The following TJP2 variants were observed in gnomAD, a reference collection of about 807,000 sequenced individuals.
TJP2 encodes Friedreich ataxia region gene X104 (tight junction protein ZO-2).
TJP2 carries 91 observed loss-of-function variants against 133.1 expected under a neutral mutation model. The observed-to-expected ratio is 0.68, with a 90% CI of 0.58 to 0.81. The LOEUF (loss-of-function observed/expected upper bound fraction) is 0.81. Among genes scored for constraint, TJP2 ranks in the 40% least tolerant of loss-of-function variants. The probability of loss-of-function intolerance (pLI) is 0.00; values close to 1 mark genes in which losing one functional copy is unlikely to be tolerated. For synonymous variants in TJP2, 592 were observed against 583.4 expected, an observed-to-expected ratio of 1.01 and a Z score of -0.21; for missense variants, 1,541 against 1,565.6, an observed-to-expected ratio of 0.98 and a Z score of 0.26.
chr9:69,185,154 C>T (rs753096119), intron 1 of TJP2, among the ~76,000 whole-genome samples: 4 of 151,990 alleles, frequency 2.6e-5, no homozygotes, highest in East Asian at 1.9e-4. Context: ...CTCTGCCTCC[C>T]GGATTCAAGC....
chr9:69,212,091 G>A lies in TJP2; in HGVS notation c.61-457G>A, dbSNP rs188602834. Among the ~76,000 whole-genome samples, 10 of 152,166 alleles carry A rather than the reference G, an allele frequency of 6.6e-5. No homozygotes were observed. In the East Asian group the frequency reaches 1.5e-3, roughly 23 times the overall value. On this transcript the variant is annotated intron_variant, in intron 1 of 22. Coordinates refer to ENST00000377245, the MANE Select transcript of TJP2 (RefSeq NM_004817.4). ...GATGGAGAAAAAGCCGAAAGATCCC[G>A]CAGATCACCCAATTGGGCATACCCT...
chr9:69,169,371 G>GC (rs1231624023), upstream of TJP2, among the ~76,000 whole-genome samples: 16 of 145,986 alleles, frequency 1.1e-4, no homozygotes, highest in Admixed American at 3.4e-4. Flanking sequence ...TTTTTTTTTG[G>GC]GGGGGGGATG....
At chr9:69,151,501 G>T in intron 1 of TJP2, 5 of 584,752 alleles carry the variant, frequency 8.6e-6, no homozygotes, top group African/African-American at 2.0e-5. Context: ...AAAAAGGATT[G>T]TGGTGACAGT....
chr9:69,183,726 CTTATT>C (rs1825667368), intron 1 of TJP2, among the ~76,000 whole-genome samples: 1 of 152,098 alleles, frequency 6.6e-6, no homozygotes, highest in African/African-American at 2.4e-5. Context: ...TTTTAAAAAA[CTTATT>C]TTAGATTAAA....
At chr9:69,197,299 G>A (rs1020408789) in intron 1 of TJP2, among the ~76,000 whole-genome samples, 1 of 152,132 alleles carries the variant, frequency 6.6e-6, no homozygotes, top group Non-Finnish European at 1.5e-5. Flanking sequence ...TGTAGCATGT[G>A]TAGATACTTT....
At chr9:69,210,728 A>G (rs572346049) in intron 1 of TJP2, among the ~76,000 whole-genome samples, 1 of 140,022 alleles carries the variant, frequency 7.1e-6, no homozygotes, top group Admixed American at 7.4e-5. Flanking sequence ...GGCCTTTTTC[A>G]GGTATTTTGA....
intron 2 of TJP2, among the ~76,000 whole-genome samples, chr9:69,159,081 G>T (rs1321678978): frequency 6.6e-6 from 1 of 151,808 alleles, no homozygotes; most frequent in African/African-American, 2.4e-5. Flanking sequence ...GAGGTGGGCA[G>T]ATTGCTTGAG....
At chr9:69,158,965 C>G (rs2132841148) in intron 2 of TJP2, among the ~76,000 whole-genome samples, 1 of 151,058 alleles carries the variant, frequency 6.6e-6, no homozygotes, top group Middle Eastern at 3.4e-3. Flanking sequence ...AGGCAATCCC[C>G]TTGGGCAGGA....
In TJP2 at chr9:69,255,159, C is replaced by A. The variant is rs1043621869; in HGVS notation, c.*785C>A. ...CTATTTCCAAAAGCACATGTATTGA[C>A]AACAGTTTTATAATTTAATAAAAAG... On this transcript the variant is annotated 3_prime_UTR_variant, in exon 23 of 23. Transcript: ENST00000377245. 4 of 152,302 alleles carry A rather than the reference C, an allele frequency of 2.6e-5. No individual in the cohort carries two copies. Among genetic ancestry groups the A allele is most frequent in the African/African-American group, 9.6e-5 (4 of 41,456 alleles). 9.4% of individuals were successfully genotyped at this position (152,302 alleles called of 1,614,324 possible). A position where few individuals can be genotyped will look rare whatever the true frequency, so the allele number is the denominator to read the frequency against.
chr9:69,241,144 A>G (rs2133418515), intron 17 of TJP2, among the ~76,000 whole-genome samples: 1 of 152,330 alleles, frequency 6.6e-6, no homozygotes, highest in Non-Finnish European at 1.5e-5. Context: ...ACCTAATAGA[A>G]TATATTTTTA....
intron 1 of TJP2, among the ~76,000 whole-genome samples, chr9:69,207,458 G>A (rs1166920026): frequency 6.6e-6 from 1 of 152,144 alleles, no homozygotes; most frequent in African/African-American, 2.4e-5. Context: ...CTGCCCTTGA[G>A]AGATACTGGG....
intron 1 of TJP2, among the ~76,000 whole-genome samples, chr9:69,183,813 C>A (rs754044040): frequency 6.6e-6 from 1 of 152,168 alleles, no homozygotes; most frequent in East Asian, 1.9e-4. Flanking sequence ...CAGCTCATTG[C>A]GACCTGTGCC....
At chr9:69,218,823 A>C (rs1448688774) in intron 4 of TJP2, among the ~76,000 whole-genome samples, 1 of 152,190 alleles carries the variant, frequency 6.6e-6, no homozygotes, top group South Asian at 2.1e-4. Context: ...GCTGGATGCC[A>C]TTAGGCCCTG....
chr9:69,248,283 C>T (rs768278655), intron 19 of TJP2, 59 bp downstream of exon 19: 20 of 1,533,294 alleles, frequency 1.3e-5, no homozygotes, highest in South Asian at 7.4e-5. Context: ...CTTGCACTCT[C>T]GTGGACAGCT....
intron 12 of TJP2, 92 bp from the exon 13 acceptor site, chr9:69,235,936 G>C: frequency 8.4e-7 from 1 of 1,196,970 alleles, no homozygotes; most frequent in South Asian, 1.3e-5. Flanking sequence ...GGAAGGTAAA[G>C]GGGAGATCAG....
intron 7 of TJP2, 70 bp downstream of exon 7, chr9:69,226,245 A>C (rs982813902): frequency 2.4e-5 from 37 of 1,550,522 alleles, no homozygotes; most frequent in Admixed American, 8.9e-5. Context: ...TCTTCTATTT[A>C]GTGTAGCTAT....
intron 1 of TJP2, among the ~76,000 whole-genome samples, chr9:69,146,727 G>GC (rs869281144): frequency 0.026 from 3 of 114 alleles, no homozygotes; most frequent in African/African-American, 0.1. Context: ...GTCAATGTCT[G>GC]GGGCATTTTT....
At position 69,239,952 on chromosome 9, in the gene TJP2, C is replaced by A; in HGVS notation, c.2371C>A (p.Leu791Met). Reference sequence around the variant, plus strand: ...TTGTAAACAGGATAAGCATGCACTACTGGATGTGACTCCGAAAGCTGTGGA... The same window carrying A: ...TTGTAAACAGGATAAGCATGCACTAATGGATGTGACTCCGAAAGCTGTGGA... Reference protein sequence around the residue: ...QIIEQDKHALLDVTPKAVDLL... With the variant: ...QIIEQDKHALMDVTPKAVDLL... The change falls in exon 17 of 23, where the codon CTG (leucine) becomes ATG (methionine). Residue 791 changes from leucine to methionine, a missense_variant. Leu to Met is a conservative substitution (Grantham distance 15, BLOSUM62 2). Coordinates refer to ENST00000377245, the MANE Select transcript of TJP2 (RefSeq NM_004817.4). 6.2e-7 allele frequency: 1 copy of A among 1,614,190 alleles called. No homozygotes were observed. Among genetic ancestry groups the A allele is most frequent in the East Asian group, 2.2e-5 (1 of 44,882 alleles).
intron 17 of TJP2, among the ~76,000 whole-genome samples, chr9:69,242,685 C>G (rs1410001162): frequency 6.6e-6 from 1 of 152,196 alleles, no homozygotes; most frequent in East Asian, 1.9e-4. Flanking sequence ...CTCTTCCAGA[C>G]TTCAAAGTTT....
Sources: gnomAD v4.1 joint callset for allele counts (sites outside exome capture counted in the v4.1 genomes callset) on GRCh38, gnomAD v4.1.1 for gene constraint, MANE v1.5 for transcripts, NCBI Gene and HGNC (gene_info 2026-07-23, HGNC 2026-07-21) for gene names.